The following B4GALNT3 variants were observed in gnomAD, a reference collection of about 807,000 sequenced individuals.
B4GALNT3 encodes the protein beta-1,4-N-acetyl-galactosaminyltransferase 3.
B4GALNT3 carries 86 observed loss-of-function variants against 120.2 expected under a neutral mutation model. The ratio of observed to expected loss-of-function variants is 0.72; its 90% CI spans 0.60 to 0.86. The LOEUF is 0.86. B4GALNT3 is among the 40% of genes least tolerant of loss of function. The pLI is 0.00. For missense variants in B4GALNT3, 1,167 were observed against 1,298.9 expected, an observed-to-expected ratio of 0.90 and a Z score of 1.56; for synonymous variants, 518 against 510.4, an observed-to-expected ratio of 1.01 and a Z score of -0.20.
chr12:538,400 TA>T (rs999560925), intron 3 of B4GALNT3, among the ~76,000 whole-genome samples: 8 of 145,708 alleles, frequency 5.5e-5, no homozygotes, highest in East Asian at 2.0e-4. Flanking sequence ...CTACAAATAA[TA>T]AAAAAAAAAT....
intron 1 of B4GALNT3, among the ~76,000 whole-genome samples, chr12:505,020 A>G (rs1946483367): frequency 6.6e-6 from 1 of 151,808 alleles, no homozygotes; most frequent in Non-Finnish European, 1.5e-5. Flanking sequence ...CCTCCCGAGT[A>G]GCTGGGATTA....
chr12:471,366 C>CA (rs1946133514), intron 1 of B4GALNT3, among the ~76,000 whole-genome samples: 1 of 148,194 alleles, frequency 6.7e-6, no homozygotes, highest in African/African-American at 2.5e-5. Flanking sequence ...ACGTGGGTGA[C>CA]AGAGTGAGAC....
chr12:493,263 G>A (rs1946360008), intron 1 of B4GALNT3, among the ~76,000 whole-genome samples: 1 of 152,178 alleles, frequency 6.6e-6, no homozygotes. Flanking sequence ...CAAAGCACCT[G>A]AACAGACAGT....
intron 1 of B4GALNT3, among the ~76,000 whole-genome samples, chr12:485,938 A>C (rs973813013): frequency 2.0e-5 from 3 of 152,160 alleles, no homozygotes; most frequent in African/African-American, 7.2e-5. Context: ...GAGAATCACA[A>C]CTTACCAAAG....
intron 1 of B4GALNT3, among the ~76,000 whole-genome samples, chr12:520,946 G>A (rs887326298): frequency 6.6e-6 from 1 of 152,172 alleles, no homozygotes; most frequent in Non-Finnish European, 1.5e-5. Context: ...TGAATAGTCA[G>A]CTCTTCCATC....
Position 558,083 on chromosome 12 carries a change from G to A in B4GALNT3, c.2602G>A (p.Val868Met), listed in dbSNP as rs539329065. The A allele has an allele frequency of 3.5e-5, 57 of 1,613,848 alleles. No individual in the cohort carries two copies. Among genetic ancestry groups the A allele is most frequent in the African/African-American group, 8.0e-5 (6 of 75,046 alleles). The change falls in exon 17 of 20, where the codon GTG becomes ATG. Residue 868 changes from valine to methionine, a missense_variant. Physicochemically the swap from Val to Met is conservative, Grantham distance 21 (BLOSUM62 1). Coordinates refer to ENST00000266383, the MANE Select transcript of B4GALNT3 (RefSeq NM_173593.4). ...TGGACTTCAGGCTGGCATAGACCTC[G>A]TGAAGGTAAAGGGCCTGGATGGGGC... ...SAGLQAGIDLVKDPHSIIFLC... is the reference protein window; with the variant it reads ...SAGLQAGIDLMKDPHSIIFLC...
intron 1 of B4GALNT3, among the ~76,000 whole-genome samples, chr12:500,332 T>C (rs965954177): frequency 1.3e-5 from 2 of 152,326 alleles, no homozygotes; most frequent in Admixed American, 1.3e-4. Context: ...AATCTTATCT[T>C]TCACTTATCA....
chr12:549,111 G>A (rs962670864), intron 9 of B4GALNT3, among the ~76,000 whole-genome samples: 17 of 152,046 alleles, frequency 1.1e-4, no homozygotes, highest in African/African-American at 2.4e-4. Context: ...CTCAGGCCCC[G>A]TTGAAAAACA....
At chr12:554,187 C>T (rs564924541) in intron 14 of B4GALNT3, among the ~76,000 whole-genome samples, 10 of 152,336 alleles carry the variant, frequency 6.6e-5, no homozygotes, top group African/African-American at 1.9e-4. Context: ...GTGTTTGTCC[C>T]GCCATTAGGC....
chr12:483,296 T>C (rs1000695689), intron 1 of B4GALNT3, among the ~76,000 whole-genome samples: 2 of 152,168 alleles, frequency 1.3e-5, no homozygotes, highest in African/African-American at 4.8e-5. Context: ...GAAAGAAAAG[T>C]GAGACAGCTA....
In B4GALNT3 at chr12:553,103, C is replaced by T. The variant is rs549215813; in HGVS notation, c.1271-91C>T. On this transcript the variant is annotated intron_variant, in intron 13 of 19. Transcript: ENST00000266383. Reference sequence around the variant, plus strand: ...AACCCCAGTCTGGAGCCCCATGGTGCGTCACACGTATGATCATCCTCTGTC... The same window carrying T: ...AACCCCAGTCTGGAGCCCCATGGTGTGTCACACGTATGATCATCCTCTGTC... 15 of 1,526,392 alleles carry T rather than the reference C, an allele frequency of 9.8e-6. No homozygotes were observed. The East Asian group carries it at 1.1e-4, about 12-fold the overall frequency. 94.6% of individuals were successfully genotyped at this position (1,526,392 alleles called of 1,614,324 possible).
At chr12:517,633 TC>T (rs1283118924) in intron 1 of B4GALNT3, among the ~76,000 whole-genome samples, 1 of 152,134 alleles carries the variant, frequency 6.6e-6, no homozygotes, top group Admixed American at 6.5e-5. Flanking sequence ...ATGACCTACT[TC>T]CCCATGATGT....
chr12:548,154 TC>T lies in B4GALNT3; in HGVS notation c.786+56del. On this transcript the variant is annotated intron_variant, in intron 8 of 19. Transcript: ENST00000266383. This position sits in a 1 kb window ranked among gnomAD's most constrained non-coding sequence, Gnocchi z 4.9. ...CCCAGCTCAGTTCCTGGCACTCATC[TC>T]CCCTTGTCCCTTGACCCCTGTTGGA... 1.2e-6 allele frequency: 2 copies of T among 1,606,178 alleles called. No individual in the cohort carries two copies. Among genetic ancestry groups the T allele is most frequent in the Non-Finnish European group, 1.7e-6 (2 of 1,172,924 alleles).
At chr12:478,434 G>T (rs1313870023) in intron 1 of B4GALNT3, among the ~76,000 whole-genome samples, 2 of 152,146 alleles carry the variant, frequency 1.3e-5, no homozygotes, top group East Asian at 3.8e-4. Flanking sequence ...CCACCTGTCT[G>T]TTTTAGGGAA....
In B4GALNT3 at chr12:460,515, G is replaced by T; in HGVS notation, c.139G>T (p.Ala47Ser). The T allele has an allele frequency of 6.4e-7, 1 of 1,557,516 alleles. No homozygotes were observed. The highest frequency in any genetic ancestry group is 8.7e-7 in the Non-Finnish European group (1 of 1,150,292). The part of the protein sequence containing the change: ...WTLYLELVAS[A>S]QVGGNPLNRR... The stretch of plus-strand genomic sequence containing the variant: ...TCTGTATCTGGAACTGGTGGCGTCG[G>T]CCCAGGTCGGCGGGAACCCCCTGAA... The change falls in exon 1 of 20, where the codon GCC becomes TCC. Residue 47 changes from alanine to serine, a missense_variant. Coordinates refer to ENST00000266383, the MANE Select transcript of B4GALNT3 (RefSeq NM_173593.4). The surrounding 1 kb of genome is among the most constrained non-coding windows in gnomAD (Gnocchi z 8.0).
intron 1 of B4GALNT3, among the ~76,000 whole-genome samples, chr12:498,743 CT>C (rs1946412702): frequency 6.6e-6 from 1 of 152,200 alleles, no homozygotes; most frequent in African/African-American, 2.4e-5. Context: ...GCGTTTATAA[CT>C]TTGTCTTTTT....
intron 1 of B4GALNT3, among the ~76,000 whole-genome samples, chr12:470,735 CTG>C (rs769563958): frequency 1.4e-4 from 21 of 152,016 alleles, no homozygotes; most frequent in Admixed American, 3.9e-4. Flanking sequence ...ATTTTAGTGA[CTG>C]TTTTGTTTTG....
At chr12:512,946 T>TC (rs1446816161) in intron 1 of B4GALNT3, among the ~76,000 whole-genome samples, 1 of 116,588 alleles carries the variant, frequency 8.6e-6, no homozygotes, top group African/African-American at 3.2e-5. Flanking sequence ...CCTTCCACCT[T>TC]CTTCCACCTT....
chr12:554,634 C>T (rs1947125913), intron 14 of B4GALNT3, among the ~76,000 whole-genome samples: 1 of 150,924 alleles, frequency 6.6e-6, no homozygotes, highest in South Asian at 2.1e-4. Context: ...ACTAAAAATA[C>T]AAAAAATTAG....
Sources: allele counts gnomAD v4.1 joint callset (sites outside exome capture counted in the v4.1 genomes callset), GRCh38; gene constraint gnomAD v4.1.1; non-coding constraint Gnocchi (gnomAD v3.1); transcripts MANE v1.5; gene names NCBI Gene and HGNC (gene_info 2026-07-23, HGNC 2026-07-21).